MX2: variants seen among roughly 807,000 people sequenced by gnomAD.
The protein encoded by MX2 is MX dynamin like GTPase 2, also known as interferon-induced GTP-binding protein Mx2.
MX2 carries 51 observed loss-of-function variants against 74.0 expected under a neutral mutation model. The ratio of observed to expected loss-of-function variants is 0.69; its 90% CI spans 0.55 to 0.87. The LOEUF is 0.87. MX2 is among the 40% of genes least tolerant of loss of function. The pLI is 0.00. For missense variants in MX2, 832 were observed against 908.7 expected (o/e 0.92, Z 1.09); for synonymous variants, 369 against 339.3 (o/e 1.09, Z -0.96).
Position 41,368,249 on chromosome 21 carries a change from G to A in MX2, c.-72+6194G>A, listed in dbSNP as rs1369397343. 2.6e-5 allele frequency among the ~76,000 whole-genome samples: 4 copies of A among 152,096 alleles called. No individual in the cohort carries two copies. Among genetic ancestry groups the A allele is most frequent in the Non-Finnish European group, 2.9e-5 (2 of 68,006 alleles). On this transcript the variant is annotated intron_variant, in intron 1 of 13. Transcript: ENST00000330714. The surrounding 1 kb of genome is among the most constrained non-coding windows in gnomAD (Gnocchi z 4.6). ...TGTCCATGTGTCACCCGGCTCTTCC[G>A]TGTCGTCTCCGTGAGCCTGCAGGGG...
At position 41,366,296 on chromosome 21, in the gene MX2, G is replaced by T. The variant is rs578257174; in HGVS notation, c.-72+4241G>T. ...TTTGATGAATTCCCTTTTTGCACCT[G>T]TATATCACTCACGGGGCTGATCTAT... is the stretch of plus-strand genomic sequence containing the variant. On this transcript the variant is annotated intron_variant, in intron 1 of 13. Coordinates refer to ENST00000330714, the MANE Select transcript of MX2 (RefSeq NM_002463.2). The surrounding 1 kb of genome is among the most constrained non-coding windows in gnomAD (Gnocchi z 4.5). 6.6e-6 allele frequency: 1 copy of T among 152,362 alleles called. No individual in the cohort carries two copies. Among genetic ancestry groups the T allele is most frequent in the Admixed American group, 6.5e-5 (1 of 15,308 alleles). The allele number at this position is 152,362 out of a possible 1,614,324, so 9.4% of individuals were successfully genotyped here. A position where few individuals can be genotyped will look rare whatever the true frequency, so the allele number is the denominator to read the frequency against.
intron 5 of MX2, among the ~76,000 whole-genome samples, chr21:41,385,225 T>G (rs1186359424): frequency 1.3e-5 from 2 of 152,218 alleles, no homozygotes; most frequent in Non-Finnish European, 2.9e-5. Context: ...CTCAATCATT[T>G]CTAGCTTTTA....
chr21:41,373,016 C>G (rs562680448), intron 1 of MX2: 1 of 152,344 alleles, frequency 6.6e-6, no homozygotes, highest in East Asian at 1.9e-4. Flanking sequence ...ATCCCTGCCC[C>G]CCTGGGGCCT....
Position 41,398,234 on chromosome 21 carries a change from G to A in MX2, c.1149+543G>A, listed in dbSNP as rs192294678. ...TGAGGCAGGAGAATCGCTTGAACCC[G>A]GAAGGTGGAGGTTGTGGTGAGCCAA... On this transcript the variant is annotated intron_variant, in intron 8 of 13. Coordinates refer to ENST00000330714, the MANE Select transcript of MX2 (RefSeq NM_002463.2). Among the ~76,000 whole-genome samples the A allele has an allele frequency of 3.9e-5, 6 of 152,332 alleles. No homozygotes were observed. The East Asian group carries it at 7.7e-4, about 20-fold the overall frequency.
In MX2 at chr21:41,399,725, C is replaced by A. The variant is rs572347871; in HGVS notation, c.1414+388C>A. On this transcript the variant is annotated intron_variant, in intron 10 of 13. Coordinates refer to ENST00000330714, the MANE Select transcript of MX2 (RefSeq NM_002463.2). ...GGACCACAGGCATGAACCACCATAC[C>A]CAGATAATTTTTGTACTTTTTTGTA... is the stretch of plus-strand genomic sequence containing the variant. The A allele has an allele frequency of 5.9e-5, 10 of 168,096 alleles. No homozygotes were observed. The South Asian group carries it at 1.5e-3, about 26-fold the overall frequency. The allele number at this position is 168,096 out of a possible 1,614,324, so 10.4% of individuals were successfully genotyped here. A position where few individuals can be genotyped will look rare whatever the true frequency, so the allele number is the denominator to read the frequency against.
chr21:41,403,152 C>T, intron 11 of MX2, 115 bp from the exon 12 acceptor site: 1 of 819,520 alleles, frequency 1.2e-6, no homozygotes, highest in South Asian at 1.6e-5. Context: ...ACTCAGTCTC[C>T]TGGAATGGGT....
In MX2 at chr21:41,380,260, C is replaced by T. The variant is rs1490716229; in HGVS notation, c.577+109C>T. 51 of 1,461,960 alleles carry T rather than the reference C, an allele frequency of 3.5e-5. No individual in the cohort carries two copies. The highest frequency in any genetic ancestry group is 4.6e-5 in the Non-Finnish European group (50 of 1,078,524). 90.6% of individuals were successfully genotyped at this position (1,461,960 alleles called of 1,614,324 possible). On this transcript the variant is annotated intron_variant, in intron 4 of 13. Transcript: ENST00000330714. The surrounding 1 kb of genome is among the most constrained non-coding windows in gnomAD (Gnocchi z 4.3). ...CCCACAGTGACCACTCAGCTCCTAG[C>T]CCCATGTGCTCCCACATGGGGCTGA...
At chr21:41,393,126 A>G (rs1290169142) in intron 6 of MX2, among the ~76,000 whole-genome samples, 3 of 141,212 alleles carry the variant, frequency 2.1e-5, no homozygotes, top group Non-Finnish European at 3.0e-5. Context: ...AAAAAAAAAA[A>G]AAAAAGAAAG....
intron 5 of MX2, among the ~76,000 whole-genome samples, chr21:41,385,936 C>T (rs983681108): frequency 4.6e-5 from 7 of 151,854 alleles, no homozygotes; most frequent in Non-Finnish European, 1.0e-4. Context: ...TATGCTGTTG[C>T]GAAAAGTGGC....
chr21:41,383,425 C>G (rs1334914143), intron 5 of MX2, among the ~76,000 whole-genome samples: 2 of 152,230 alleles, frequency 1.3e-5, no homozygotes, highest in Non-Finnish European at 2.9e-5. Flanking sequence ...GTGCCTGAAT[C>G]AAATGTGGTC....
rs551611984 is a variant in MX2 at position 41,398,745 on chromosome 21, A to G, written c.1150-152A>G. ...TTCCACCAGTCAAGGTGGCCTACACATGTAATCCCAGCACTTTGGGAGGCT... is the reference window on the plus strand; with the variant it reads ...TTCCACCAGTCAAGGTGGCCTACACGTGTAATCCCAGCACTTTGGGAGGCT... On this transcript the variant is annotated intron_variant, in intron 8 of 13. Transcript: ENST00000330714. 2.1e-4 allele frequency: 216 copies of G among 1,049,442 alleles called. 1 individual carries two copies. In the East Asian group the frequency reaches 5.4e-3, roughly 26 times the overall value. The allele number at this position is 1,049,442 out of a possible 1,614,324, so 65.0% of individuals were successfully genotyped here.
At position 41,388,040 on chromosome 21, in the gene MX2, T is replaced by G. The variant is rs1488118928; in HGVS notation, c.733-2525T>G. On this transcript the variant is annotated intron_variant, in intron 5 of 13. Coordinates refer to ENST00000330714, the MANE Select transcript of MX2 (RefSeq NM_002463.2). The surrounding 1 kb of genome is among the most constrained non-coding windows in gnomAD (Gnocchi z 4.0). ...TCTCCTCCCACTTCCACCAGCACCC[T>G]CACCTAAGCTGCTGCTATCCTGAAC... Among the ~76,000 whole-genome samples the G allele has an allele frequency of 6.6e-6, 1 of 152,062 alleles. No individual in the cohort carries two copies.
In MX2 at chr21:41,368,174, G is replaced by A. The variant is rs2089284181; in HGVS notation, c.-72+6119G>A. 6.6e-6 allele frequency among the ~76,000 whole-genome samples: 1 copy of A among 152,158 alleles called. No homozygotes were observed. Among genetic ancestry groups the A allele is most frequent in the Admixed American group, 6.5e-5 (1 of 15,272 alleles). On this transcript the variant is annotated intron_variant, in intron 1 of 13. Coordinates refer to ENST00000330714, the MANE Select transcript of MX2 (RefSeq NM_002463.2). This position sits in a 1 kb window ranked among gnomAD's most constrained non-coding sequence, Gnocchi z 4.6. ...AGGCCTGCACCCCTAAGCCTCTTAA[G>A]CCCCCCACTTTCATTCCCTCCTGCC...
rs2089924304 is a variant in MX2, at chr21:41,409,270, GA to G, written c.*1038del. ...ACACACACACACACATACACAGAGAGAGAGAGAGAGAACTTCACACCAGTGA... is the reference window on the plus strand; with the variant it reads ...ACACACACACACACATACACAGAGAGGAGAGAGAGAACTTCACACCAGTGA... On this transcript the variant is annotated 3_prime_UTR_variant, in exon 14 of 14. Coordinates refer to ENST00000330714, the MANE Select transcript of MX2 (RefSeq NM_002463.2). The G allele has an allele frequency of 6.6e-6, 1 of 152,138 alleles. No homozygotes were observed. 9.4% of individuals were successfully genotyped at this position (152,138 alleles called of 1,614,324 possible).
intron 12 of MX2, chr21:41,403,907 C>A: frequency 4.2e-6 from 1 of 240,908 alleles, no homozygotes. Flanking sequence ...ATTTTTCCGT[C>A]ATATAAATTA....
chr21:41,407,080 G>C, intron 13 of MX2, 82 bp downstream of exon 13: 1 of 1,462,882 alleles, frequency 6.8e-7, no homozygotes, highest in Non-Finnish European at 9.2e-7. Context: ...GAGAGGCTTT[G>C]CTGAGGGAAG....
chr21:41,376,762 G>T, intron 1 of MX2, 74 bp from the exon 2 acceptor site: 1 of 1,160,666 alleles, frequency 8.6e-7, no homozygotes, highest in African/African-American at 1.5e-5. Flanking sequence ...GGGTGAGGAG[G>T]GGTTGGCAAA....
At chr21:41,373,779 G>T (rs1269322170) in intron 1 of MX2, 5 of 145,124 alleles carry the variant, frequency 3.4e-5, no homozygotes, top group African/African-American at 1.3e-4. Context: ...CCTCAAGCAG[G>T]CCTTGCTTTC....
rs2089269762 is a variant in MX2, at chr21:41,366,866, C to T, written c.-72+4811C>T. ...CCAACATTGCCCTTCCAGAGCCTCT[C>T]CAGCTGTGACTCACTGTTGACATGG... On this transcript the variant is annotated intron_variant, in intron 1 of 13. Coordinates refer to ENST00000330714, the MANE Select transcript of MX2 (RefSeq NM_002463.2). This position sits in a 1 kb window ranked among gnomAD's most constrained non-coding sequence, Gnocchi z 4.5. 6.6e-6 allele frequency: 1 copy of T among 152,558 alleles called. No individual in the cohort carries two copies. The highest frequency in any genetic ancestry group is 2.4e-5 in the African/African-American group (1 of 41,432). 9.5% of individuals were successfully genotyped at this position (152,558 alleles called of 1,614,324 possible).
Sources: gnomAD v4.1 joint callset for allele counts (sites outside exome capture counted in the v4.1 genomes callset) on GRCh38, gnomAD v4.1.1 for gene constraint, Gnocchi (gnomAD v3.1) non-coding constraint, MANE v1.5 for transcripts, NCBI Gene and HGNC (gene_info 2026-07-23, HGNC 2026-07-21) for gene names.